The following AUTS2 variants were observed in gnomAD, a reference collection of about 807,000 sequenced individuals.
AUTS2 encodes the protein activator of transcription and developmental regulator AUTS2.
In AUTS2, 17 loss-of-function variants were observed where a neutral mutation model predicts 112.4. The ratio of observed to expected loss-of-function variants is 0.15; its 90% confidence interval spans 0.10 to 0.23. AUTS2 has a LOEUF of 0.23. Among genes scored for constraint, AUTS2 ranks in the 10% least tolerant of loss-of-function variants. The pLI is 1.00. For synonymous variants in AUTS2, 751 were observed against 702.7 expected (o/e 1.07, Z -1.09); for missense variants, 1,510 against 1,701.6 (o/e 0.89, Z 1.98).
At chr7:70,102,312 G>A (rs964890934) in intron 2 of AUTS2, among the ~76,000 whole-genome samples, 4 of 151,646 alleles carry the variant, frequency 2.6e-5, no homozygotes, top group Admixed American at 6.6e-5. Flanking sequence ...TAGAGACGGG[G>A]TTTCACCGTG....
chr7:70,311,777 C>T (rs1342704318), intron 4 of AUTS2, among the ~76,000 whole-genome samples: 7 of 151,976 alleles, frequency 4.6e-5, no homozygotes, highest in African/African-American at 1.7e-4. Context: ...AGTGCAGTGG[C>T]GCCATCTCTG....
intron 2 of AUTS2, among the ~76,000 whole-genome samples, chr7:70,010,785 C>T (rs1250239539): frequency 6.6e-6 from 1 of 152,178 alleles, no homozygotes; most frequent in Admixed American, 6.5e-5. Flanking sequence ...TAGATATTCT[C>T]CAGTATCACC....
chr7:69,671,275 C>T (rs1796309411), intron 1 of AUTS2, among the ~76,000 whole-genome samples: 1 of 152,140 alleles, frequency 6.6e-6, no homozygotes, highest in South Asian at 2.1e-4. Flanking sequence ...TTCCAGCACT[C>T]ATTTAGTTGC....
chr7:70,696,936 C>A (rs958554433), intron 5 of AUTS2, among the ~76,000 whole-genome samples: 3 of 152,064 alleles, frequency 2.0e-5, no homozygotes, highest in Non-Finnish European at 4.4e-5. Flanking sequence ...AATTTACATT[C>A]AAAAAGAATT....
chr7:70,067,584 G>A (rs1044701798), intron 2 of AUTS2, among the ~76,000 whole-genome samples: 4 of 152,106 alleles, frequency 2.6e-5, no homozygotes, highest in South Asian at 2.1e-4. Flanking sequence ...GGTGGCTCAC[G>A]CCTGTAATCC....
intron 5 of AUTS2, among the ~76,000 whole-genome samples, chr7:70,480,674 C>T (rs148388063): frequency 5.6e-4 from 86 of 152,272 alleles, no homozygotes; most frequent in African/African-American, 2.0e-3. Flanking sequence ...GGATCCCATA[C>T]CTTTGTACCT....
Position 70,365,062 on chromosome 7 carries a change from G to T in AUTS2, c.661-70690G>T, listed in dbSNP as rs1255513155. ...ACTGGGAAAGCCTATTAACAAAAAG[G>T]ATTAGTAGGAATTTTAAAAATTAAC... On this transcript the variant is annotated intron_variant, in intron 4 of 18. Transcript: ENST00000342771. 3.9e-5 allele frequency among the ~76,000 whole-genome samples: 6 copies of T among 152,224 alleles called. No homozygotes were observed. In the East Asian group the frequency reaches 1.2e-3, roughly 29 times the overall value.
intron 6 of AUTS2, among the ~76,000 whole-genome samples, chr7:70,753,715 C>G (rs1789005369): frequency 6.6e-6 from 1 of 152,180 alleles, no homozygotes; most frequent in African/African-American, 2.4e-5. Flanking sequence ...TTTGGAGATA[C>G]AATCAAAACT....
At chr7:70,626,991 C>T (rs1049494493) in intron 5 of AUTS2, among the ~76,000 whole-genome samples, 1 of 152,168 alleles carries the variant, frequency 6.6e-6, no homozygotes, top group African/African-American at 2.4e-5. Context: ...TGCAGGTGTC[C>T]TTTATGGTAG....
intron 1 of AUTS2, among the ~76,000 whole-genome samples, chr7:69,642,213 A>G (rs1316242546): frequency 6.6e-6 from 1 of 152,196 alleles, no homozygotes; most frequent in East Asian, 1.9e-4. Flanking sequence ...TTGGAGCAAT[A>G]AGACTGTCAT....
chr7:70,515,332 A>C (rs2116845568), intron 5 of AUTS2, among the ~76,000 whole-genome samples: 1 of 152,270 alleles, frequency 6.6e-6, no homozygotes, highest in South Asian at 2.1e-4. Context: ...GGAGAGAAAT[A>C]ATGAGGACCT....
intron 5 of AUTS2, among the ~76,000 whole-genome samples, chr7:70,556,138 G>A (rs904649764): frequency 3.3e-5 from 5 of 152,112 alleles, no homozygotes; most frequent in South Asian, 2.1e-4. Context: ...AAGGCAAAGC[G>A]GGGGTAGGCA....
At chr7:70,295,649 T>TCCCA (rs1562858641) in intron 4 of AUTS2, among the ~76,000 whole-genome samples, 1 of 152,150 alleles carries the variant, frequency 6.6e-6, no homozygotes, top group Non-Finnish European at 1.5e-5. Context: ...ACTCAACTGC[T>TCCCA]CCCACCTCAG....
At chr7:70,634,577 C>T (rs1051601900) in intron 5 of AUTS2, among the ~76,000 whole-genome samples, 1 of 152,138 alleles carries the variant, frequency 6.6e-6, no homozygotes, top group African/African-American at 2.4e-5. Flanking sequence ...CTTTGTGATT[C>T]GGTACATCAT....
intron 5 of AUTS2, among the ~76,000 whole-genome samples, chr7:70,650,400 T>C (rs529717145): frequency 5.3e-5 from 8 of 152,322 alleles, no homozygotes; most frequent in Non-Finnish European, 7.3e-5. Flanking sequence ...ACTTGAGGGC[T>C]CTTGCCTGGG....
chr7:70,010,326 G>A (rs964616002), intron 2 of AUTS2, among the ~76,000 whole-genome samples: 1 of 151,968 alleles, frequency 6.6e-6, no homozygotes, highest in African/African-American at 2.4e-5. Context: ...TCTATTTTTG[G>A]TAGAGACTGG....
At chr7:70,311,364 C>G (rs1196883898) in intron 4 of AUTS2, among the ~76,000 whole-genome samples, 1 of 152,148 alleles carries the variant, frequency 6.6e-6, no homozygotes, top group African/African-American at 2.4e-5. Flanking sequence ...TGTCGTGTCC[C>G]CTTTCTCCAT....
chr7:69,642,504 G>T (rs1169352550), intron 1 of AUTS2, among the ~76,000 whole-genome samples: 1 of 152,178 alleles, frequency 6.6e-6, no homozygotes, highest in African/African-American at 2.4e-5. Flanking sequence ...AGCAAAAATT[G>T]ATATAAGCAG....
At position 70,614,289 on chromosome 7, in the gene AUTS2, C is replaced by CT. The variant is rs3214232; in HGVS notation, c.691-84270dup. On this transcript the variant is annotated intron_variant, in intron 5 of 18. Coordinates refer to ENST00000342771, the MANE Select transcript of AUTS2 (RefSeq NM_015570.4). Reference sequence around the variant, plus strand: ...GTCTTATACATAAAAATTTAAATTACTTTTTTTTTTATGAAAGTGGGGACC... The same window carrying CT: ...GTCTTATACATAAAAATTTAAATTACTTTTTTTTTTTATGAAAGTGGGGACC... 1.9e-3 allele frequency among the ~76,000 whole-genome samples: 281 copies of CT among 150,296 alleles called. 1 individual carries two copies. The highest frequency in any genetic ancestry group is 0.014 in the Middle Eastern group (4 of 288).
Sources: allele counts gnomAD v4.1 joint callset (sites outside exome capture counted in the v4.1 genomes callset), GRCh38; gene constraint gnomAD v4.1.1; transcripts MANE v1.5; gene names NCBI Gene and HGNC (gene_info 2026-07-23, HGNC 2026-07-21).